Variants in ATP1B1 observed in about 807,000 individuals in gnomAD.
ATP1B1 encodes the protein ATPase Na+/K+ transporting subunit beta 1, also known as sodium/potassium-transporting ATPase subunit beta-1.
A neutral mutation model predicts 39.6 loss-of-function variants in ATP1B1; 3 were observed. The ratio of observed to expected loss-of-function variants is 0.08; its 90% confidence interval spans 0.03 to 0.20. The LOEUF (loss-of-function observed/expected upper bound fraction) is 0.20. ATP1B1 is among the 10% of genes least tolerant of loss of function. The probability of loss-of-function intolerance (pLI) is 1.00; values close to 1 mark genes in which losing one functional copy is unlikely to be tolerated. For synonymous variants in ATP1B1, 139 were observed against 135.0 expected, an observed-to-expected ratio of 1.03 and a Z score of -0.20; for missense variants, 216 against 371.1, an observed-to-expected ratio of 0.58 and a Z score of 3.43.
chr1:169,107,015 A>T, intron 1 of ATP1B1, 89 bp downstream of exon 1: 1 of 1,287,060 alleles, frequency 7.8e-7, no homozygotes, highest in Non-Finnish European at 1.1e-6. Flanking sequence ...CCGGTTCCGC[A>T]CCCACCGCGC....
chr1:169,127,421 T>C lies in ATP1B1; in HGVS notation c.567+13T>C. The C allele has an allele frequency of 6.2e-7, 1 of 1,600,570 alleles. No individual in the cohort carries two copies. ...CTTCAAACCTAAGGCAAGTAATATT[T>C]TAAATGATAGAATTTAGATGAGTCA... On this transcript the variant is annotated intron_variant, in intron 4 of 5. Transcript: ENST00000367815.
chr1:169,106,972 C>T (rs200590991), intron 1 of ATP1B1, 46 bp downstream of exon 1: 1 of 1,527,108 alleles, frequency 6.5e-7, no homozygotes, highest in African/African-American at 1.4e-5. Flanking sequence ...CTGATCTTTC[C>T]CGGGCGGCGC....
chr1:169,117,514 G>A (rs1478609693), intron 2 of ATP1B1, among the ~76,000 whole-genome samples: 11 of 152,130 alleles, frequency 7.2e-5, no homozygotes, highest in Admixed American at 7.2e-4. Context: ...TGATGAATAA[G>A]CAGAACAGAG....
Position 169,127,419 on chromosome 1 carries a change from T to C in ATP1B1, c.567+11T>C, listed in dbSNP as rs767659519. ...GGCTTCAAACCTAAGGCAAGTAATA[T>C]TTTAAATGATAGAATTTAGATGAGT... On this transcript the variant is annotated intron_variant, in intron 4 of 5. Transcript: ENST00000367815. 3.7e-6 allele frequency: 6 copies of C among 1,600,990 alleles called. No homozygotes were observed. The highest frequency in any genetic ancestry group is 5.1e-6 in the Non-Finnish European group (6 of 1,175,566).
At chr1:169,112,908 C>T (rs895502858) in intron 2 of ATP1B1, among the ~76,000 whole-genome samples, 5 of 152,240 alleles carry the variant, frequency 3.3e-5, no homozygotes, top group African/African-American at 1.2e-4. Flanking sequence ...ACATGTTTTA[C>T]GTTGGGTATG....
chr1:169,113,406 G>A (rs1444993865), intron 2 of ATP1B1, among the ~76,000 whole-genome samples: 1 of 151,578 alleles, frequency 6.6e-6, no homozygotes, highest in Admixed American at 6.6e-5. Context: ...AGCCAAATAC[G>A]ACTACAAAGT....
intron 2 of ATP1B1, 89 bp downstream of exon 2, chr1:169,111,587 C>A: frequency 6.6e-7 from 1 of 1,523,056 alleles, no homozygotes; most frequent in South Asian, 1.2e-5. Context: ...GAAAATTACT[C>A]TATAATGTAG....
At chr1:169,127,853 G>A (rs1215797756) in intron 4 of ATP1B1, among the ~76,000 whole-genome samples, 1 of 151,970 alleles carries the variant, frequency 6.6e-6, no homozygotes, top group Non-Finnish European at 1.5e-5. Flanking sequence ...TCCAGTTTTG[G>A]TCCTCTGGAA....
chr1:169,130,587 G>T (rs2101795215), intron 5 of ATP1B1, among the ~76,000 whole-genome samples: 1 of 152,122 alleles, frequency 6.6e-6, no homozygotes, highest in Middle Eastern at 3.4e-3. Flanking sequence ...AAGAGTTTGA[G>T]ACCAGCCTGG....
intron 5 of ATP1B1, among the ~76,000 whole-genome samples, chr1:169,130,312 A>G (rs1324150998): frequency 6.6e-6 from 1 of 152,212 alleles, no homozygotes; most frequent in African/African-American, 2.4e-5. Context: ...CAGTTTCTCC[A>G]CTGGCATAAG....
intron 5 of ATP1B1, among the ~76,000 whole-genome samples, chr1:169,130,689 A>G (rs1390583513): frequency 2.0e-5 from 3 of 148,642 alleles, no homozygotes; most frequent in African/African-American, 7.4e-5. Context: ...GACCTGAGGC[A>G]GGAGAATCGC....
chr1:169,123,591 A>C lies in ATP1B1; in HGVS notation c.227-1293A>C, dbSNP rs201680028. ...TTAAACTATATCTCTCTCTCTATATATATATATATTTATATATATCTCTAT... is the reference window on the plus strand; with the variant it reads ...TTAAACTATATCTCTCTCTCTATATCTATATATATTTATATATATCTCTAT... On this transcript the variant is annotated intron_variant, in intron 2 of 5. Coordinates refer to ENST00000367815, the MANE Select transcript of ATP1B1 (RefSeq NM_001677.4). 4.9e-4 allele frequency among the ~76,000 whole-genome samples: 73 copies of C among 149,524 alleles called. No individual in the cohort carries two copies. In the East Asian group the frequency reaches 9.3e-3, roughly 19 times the overall value.
In ATP1B1 at chr1:169,131,147, C is replaced by T; in HGVS notation, c.649-145C>T. On this transcript the variant is annotated intron_variant, in intron 5 of 5. Transcript: ENST00000367815. The surrounding 1 kb of genome is among the most constrained non-coding windows in gnomAD (Gnocchi z 4.4). The stretch of plus-strand genomic sequence containing the variant: ...ATAGTCTCTTCTTATGACCATTTCT[C>T]AAGGCTGCAATGGAATAGACTGAGT... 1.8e-6 allele frequency: 2 copies of T among 1,081,494 alleles called. No individual in the cohort carries two copies. Among genetic ancestry groups the T allele is most frequent in the South Asian group, 1.6e-5 (1 of 63,286 alleles). 67.0% of individuals were successfully genotyped at this position (1,081,494 alleles called of 1,614,324 possible). A position where few individuals can be genotyped will look rare whatever the true frequency, so the allele number is the denominator to read the frequency against.
At chr1:169,115,014 C>A (rs746418591) in intron 2 of ATP1B1, among the ~76,000 whole-genome samples, 1 of 151,820 alleles carries the variant, frequency 6.6e-6, no homozygotes, top group Non-Finnish European at 1.5e-5. Flanking sequence ...GAAACTCCGT[C>A]TCTACTAAAA....
chr1:169,111,446 G>A lies in ATP1B1; in HGVS notation c.174G>A (p.Leu58=). 6.2e-7 allele frequency: 1 copy of A among 1,614,178 alleles called. No individual in the cohort carries two copies. The highest frequency in any genetic ancestry group is 1.6e-4 in the Middle Eastern group (1 of 6,062). ...TCATCGGAACCATCCAAGTGATGCT[G>A]CTCACCATCAGTGAATTTAAGCCCA... ...GIFIGTIQVM[L]LTISEFKPTY... is the part of the protein sequence containing the mutation. The change falls in exon 2 of 6, where the codon CTG becomes CTA. Residue 58 remains leucine (L), a synonymous_variant. Coordinates refer to ENST00000367815, the MANE Select transcript of ATP1B1 (RefSeq NM_001677.4).
At chr1:169,115,078 G>A (rs1056239468) in intron 2 of ATP1B1, among the ~76,000 whole-genome samples, 9 of 150,642 alleles carry the variant, frequency 6.0e-5, no homozygotes, top group Non-Finnish European at 7.4e-5. Context: ...CCAGCTACTC[G>A]GAAGGCTGAG....
intron 1 of ATP1B1, among the ~76,000 whole-genome samples, chr1:169,110,994 A>C (rs1362514733): frequency 1.3e-5 from 2 of 152,222 alleles, no homozygotes; most frequent in Non-Finnish European, 1.5e-5. Context: ...TCATATTTTA[A>C]ATTCATTGCA....
At position 169,131,424 on chromosome 1, in the gene ATP1B1, G is replaced by T. The variant is rs772382642; in HGVS notation, c.781G>T (p.Val261Leu). 3 of 1,614,148 alleles carry T rather than the reference G, an allele frequency of 1.9e-6. No homozygotes were observed. In the Admixed American group the frequency reaches 5.0e-5, roughly 27 times the overall value. ...QPKYLQPLLA[V>L]QFTNLTMDTE... is the part of the protein sequence containing the mutation. Reference sequence around the variant, plus strand: ...CAAATACCTGCAGCCCCTGCTGGCCGTACAGTTCACCAATCTTACCATGGA... The same window carrying T: ...CAAATACCTGCAGCCCCTGCTGGCCTTACAGTTCACCAATCTTACCATGGA... The change falls in exon 6 of 6, where the codon GTA (valine) becomes TTA (leucine). Residue 261 changes from valine (V) to leucine (L), a missense_variant. Val to Leu is a conservative substitution (Grantham distance 32, BLOSUM62 1). Transcript: ENST00000367815. The surrounding 1 kb of genome is among the most constrained non-coding windows in gnomAD (Gnocchi z 4.4).
intron 5 of ATP1B1, among the ~76,000 whole-genome samples, chr1:169,130,832 T>G (rs1571229645): frequency 6.9e-6 from 1 of 144,614 alleles, no homozygotes; most frequent in Non-Finnish European, 1.5e-5. Context: ...TAACAATTAG[T>G]GCATGTTTCC....
Sources: allele counts gnomAD v4.1 joint callset (sites outside exome capture counted in the v4.1 genomes callset), GRCh38; gene constraint gnomAD v4.1.1; non-coding constraint Gnocchi (gnomAD v3.1); transcripts MANE v1.5; gene names NCBI Gene and HGNC (gene_info 2026-07-23, HGNC 2026-07-21).